The following LY86 variants were observed in gnomAD, a reference collection of about 807,000 sequenced individuals.
LY86 encodes the protein lymphocyte antigen 86.
Under a neutral mutation model 17.3 loss-of-function variants are expected in LY86, and 20 were observed. The ratio of observed to expected loss-of-function variants is 1.15; its 90% CI spans 0.81 to 1.68. LY86 has a LOEUF of 1.68. Among genes scored for constraint, LY86 ranks in the 40% most tolerant of loss-of-function variants. The pLI is 0.00. For missense variants in LY86, 200 were observed against 191.9 expected, an observed-to-expected ratio of 1.04 and a Z score of -0.25; for synonymous variants, 74 against 70.6, an observed-to-expected ratio of 1.05 and a Z score of -0.24.
intron 1 of LY86, among the ~76,000 whole-genome samples, chr6:6,610,974 C>A (rs535667609): frequency 1.1e-4 from 17 of 152,306 alleles, no homozygotes; most frequent in African/African-American, 4.1e-4. Flanking sequence ...AGAAGTCTAC[C>A]TTTCTGATAC....
chr6:6,654,609 T>C lies in LY86; in HGVS notation c.471T>C (p.Ala157=). Residue 157 remains alanine (A), a synonymous_variant, in exon 5 of 5, where the codon GCT becomes GCC. Transcript: ENST00000230568. ...GGTCCACCGTGGCCTGTGCCAATGC[T>C]ACTATCATGTGCTCCTGACTGTGGC... is the stretch of plus-strand genomic sequence containing the variant. ...EKRSTVACAN[A]TIMCS 1.2e-6 allele frequency: 2 copies of C among 1,614,184 alleles called. No homozygotes were observed. The highest frequency in any genetic ancestry group is 1.7e-6 in the Non-Finnish European group (2 of 1,180,006).
chr6:6,591,178 T>G (rs1274059586), intron 1 of LY86: 5 of 153,776 alleles, frequency 3.3e-5, no homozygotes, highest in African/African-American at 1.2e-4. Context: ...GCCAGGCTGG[T>G]GCATCCTTTC....
intron 4 of LY86, among the ~76,000 whole-genome samples, chr6:6,653,344 C>T (rs917032940): frequency 1.3e-5 from 2 of 152,198 alleles, no homozygotes; most frequent in Non-Finnish European, 2.9e-5. Flanking sequence ...CTTTGGGTGA[C>T]AGGCAGTTCA....
intron 3 of LY86, among the ~76,000 whole-genome samples, chr6:6,642,086 G>A (rs1013673178): frequency 1.3e-5 from 2 of 152,246 alleles, no homozygotes; most frequent in African/African-American, 4.8e-5. Flanking sequence ...TAATGTCAGA[G>A]GCCCTGCTGA....
chr6:6,596,376 T>G (rs1005274897), intron 1 of LY86, among the ~76,000 whole-genome samples: 4 of 150,310 alleles, frequency 2.7e-5, no homozygotes, highest in Non-Finnish European at 5.9e-5. Context: ...AAATGGAGCA[T>G]AAAACAAGCA....
At chr6:6,609,876 C>A (rs1761287787) in intron 1 of LY86, among the ~76,000 whole-genome samples, 1 of 151,958 alleles carries the variant, frequency 6.6e-6, no homozygotes, top group African/African-American at 2.4e-5. Context: ...CGTGCTTGTT[C>A]TGTAGGCCTC....
intron 1 of LY86, among the ~76,000 whole-genome samples, chr6:6,613,640 C>T (rs1212843594): frequency 1.3e-5 from 2 of 152,244 alleles, no homozygotes; most frequent in East Asian, 1.9e-4. Context: ...CTTCATATCT[C>T]CCCGCAAGCT....
At chr6:6,649,518 T>G in intron 3 of LY86, 107 bp from the exon 4 acceptor site, 1 of 679,982 alleles carries the variant, frequency 1.5e-6, no homozygotes, top group East Asian at 2.7e-5. Context: ...GCTGCTCTTA[T>G]TTTGGTGCCA....
chr6:6,632,170 G>T (rs1469869762), intron 3 of LY86, among the ~76,000 whole-genome samples: 1 of 152,168 alleles, frequency 6.6e-6, no homozygotes, highest in Non-Finnish European at 1.5e-5. Context: ...TATAAGACCT[G>T]TGCCAAAAAA....
At chr6:6,603,616 AAAC>A (rs767516199) in intron 1 of LY86, among the ~76,000 whole-genome samples, 12,226 of 120,118 alleles carry the variant, frequency 0.1, 1,017 homozygotes, top group Middle Eastern at 0.21. Context: ...AAAAAAAAAC[AAAC>A]AAAAAAAAAC....
At chr6:6,612,372 G>A (rs760183152) in intron 1 of LY86, among the ~76,000 whole-genome samples, 14 of 152,330 alleles carry the variant, frequency 9.2e-5, no homozygotes, top group African/African-American at 2.2e-4. Context: ...TACATTTGGA[G>A]TGTTAATCAT....
chr6:6,647,768 T>C (rs939439568), intron 3 of LY86, among the ~76,000 whole-genome samples: 1 of 152,168 alleles, frequency 6.6e-6, no homozygotes, highest in Non-Finnish European at 1.5e-5. Context: ...TCCTGTCCTC[T>C]CCTCTGTTGA....
At chr6:6,620,015 G>T (rs1376078087) in intron 1 of LY86, among the ~76,000 whole-genome samples, 1 of 151,810 alleles carries the variant, frequency 6.6e-6, no homozygotes, top group African/African-American at 2.4e-5. Flanking sequence ...ATTGGAGGGG[G>T]GTCAGCTCCT....
At chr6:6,614,472 G>A (rs1221949220) in intron 1 of LY86, among the ~76,000 whole-genome samples, 1 of 151,424 alleles carries the variant, frequency 6.6e-6, no homozygotes, top group Non-Finnish European at 1.5e-5. Context: ...CCTGCAGGCA[G>A]CCCAGGACTC....
At chr6:6,604,987 A>G (rs1290034644) in intron 1 of LY86, among the ~76,000 whole-genome samples, 1 of 152,112 alleles carries the variant, frequency 6.6e-6, no homozygotes. Context: ...ACAATTCTAC[A>G]TACAGTATAG....
chr6:6,630,458 C>T (rs1400205145), intron 3 of LY86, among the ~76,000 whole-genome samples: 1 of 152,248 alleles, frequency 6.6e-6, no homozygotes, highest in African/African-American at 2.4e-5. Flanking sequence ...TCTGTCTCCT[C>T]TGATAGTATC....
At chr6:6,606,211 C>T (rs1022748658) in intron 1 of LY86, among the ~76,000 whole-genome samples, 1 of 152,136 alleles carries the variant, frequency 6.6e-6, no homozygotes, top group African/African-American at 2.4e-5. Context: ...TCCACCTCCC[C>T]ACTAGATTAG....
chr6:6,644,442 T>C (rs1032259824), intron 3 of LY86, among the ~76,000 whole-genome samples: 4 of 151,880 alleles, frequency 2.6e-5, no homozygotes, highest in African/African-American at 9.7e-5. Context: ...GAGGATCACC[T>C]GAACCTGGAA....
intron 1 of LY86, among the ~76,000 whole-genome samples, chr6:6,619,698 A>G (rs1396228542): frequency 1.3e-5 from 2 of 152,238 alleles, no homozygotes; most frequent in Non-Finnish European, 2.9e-5. Flanking sequence ...AAGCAATACC[A>G]GCTCTTAGAG....
Sources: gnomAD v4.1 joint callset for allele counts (sites outside exome capture counted in the v4.1 genomes callset) on GRCh38, gnomAD v4.1.1 for gene constraint, MANE v1.5 for transcripts, NCBI Gene and HGNC (gene_info 2026-07-23, HGNC 2026-07-21) for gene names.